Variants in XPO6 observed in about 807,000 individuals in gnomAD.
The protein encoded by XPO6 is exportin 6, also known as exportin-6.
XPO6 carries 3 observed loss-of-function variants against 130.0 expected under a neutral mutation model. The ratio of observed to expected loss-of-function variants is 0.02; its 90% CI spans 0.01 to 0.06. The LOEUF is 0.06. Ranked by LOEUF, XPO6 falls within the 10% of genes least tolerant of loss-of-function variation. XPO6 has a pLI of 1.00. For missense variants in XPO6, 970 were observed against 1,393.0 expected (o/e 0.70, Z 4.83); for synonymous variants, 524 against 548.9 (o/e 0.95, Z 0.63).
chr16:28,108,194 T>G (rs2141240881), intron 17 of XPO6, among the ~76,000 whole-genome samples: 1 of 152,320 alleles, frequency 6.6e-6, no homozygotes, highest in African/African-American at 2.4e-5. Context: ...TGGTGCTGGC[T>G]GCAAGAACAA....
chr16:28,183,086 T>G (rs1384812665), intron 1 of XPO6, among the ~76,000 whole-genome samples: 1 of 152,238 alleles, frequency 6.6e-6, no homozygotes, highest in African/African-American at 2.4e-5. Flanking sequence ...TGCAGCAAAC[T>G]TGAGCTTATC....
chr16:28,147,154 C>T (rs2042998505), intron 8 of XPO6, among the ~76,000 whole-genome samples: 1 of 152,100 alleles, frequency 6.6e-6, no homozygotes, highest in African/African-American at 2.4e-5. Flanking sequence ...ATTGCTGATC[C>T]ACATGGAAAT....
intron 4 of XPO6, among the ~76,000 whole-genome samples, chr16:28,171,452 CAAAAAAAAAAAAAAAAA>C (rs36000498): frequency 2.7e-4 from 27 of 99,096 alleles, no homozygotes; most frequent in African/African-American, 1.1e-3. Context: ...GACTCTGTCT[CAAAAAAAAAAAAAAAAA>C]AAAAGAAAAA....
chr16:28,099,880 G>A (rs569512757), intron 23 of XPO6, among the ~76,000 whole-genome samples: 2 of 152,298 alleles, frequency 1.3e-5, no homozygotes, highest in South Asian at 4.1e-4. Context: ...ACCAACTAAG[G>A]GATGTCTTTT....
rs564241909 is a variant in XPO6 at position 28,211,632 on chromosome 16, T to G, written c.-264A>C. On this transcript the variant is annotated 5_prime_UTR_variant, in exon 1 of 24. Transcript: ENST00000304658. ...GAAAAAGCAGGAAATGAGGCTCGGA[T>G]GCCGGCGAGGAGGGCAGCTGCTCGG... 5 of 381,724 alleles carry G rather than the reference T, an allele frequency of 1.3e-5. No homozygotes were observed. Among genetic ancestry groups the G allele is most frequent in the African/African-American group, 1.2e-4 (5 of 42,076 alleles). 23.6% of individuals were successfully genotyped at this position (381,724 alleles called of 1,614,324 possible).
chr16:28,204,099 TCAA>T (rs2141912940), intron 1 of XPO6, among the ~76,000 whole-genome samples: 2 of 152,160 alleles, frequency 1.3e-5, no homozygotes, highest in African/African-American at 4.8e-5. Flanking sequence ...ACCCAAGACC[TCAA>T]CAACATCCCT....
intron 12 of XPO6, chr16:28,126,752 T>C (rs1322487630): frequency 2.0e-5 from 3 of 152,140 alleles, no homozygotes; most frequent in African/African-American, 7.2e-5. Flanking sequence ...AGTAAGAATT[T>C]TCAGAGACCT....
At chr16:28,198,813 C>T (rs1443018583) in intron 1 of XPO6, among the ~76,000 whole-genome samples, 2 of 151,984 alleles carry the variant, frequency 1.3e-5, no homozygotes, top group Non-Finnish European at 2.9e-5. Context: ...GCAACTCTTC[C>T]GTAAGTCTTA....
At chr16:28,170,280 C>A (rs569634991) in intron 4 of XPO6, among the ~76,000 whole-genome samples, 1 of 145,158 alleles carries the variant, frequency 6.9e-6, no homozygotes, top group African/African-American at 2.6e-5. Context: ...TGTGGTGAGC[C>A]GAGATCGTGC....
rs1189898469 is a variant in XPO6, at chr16:28,158,919, G to T, written c.644-2392C>A. Among the ~76,000 whole-genome samples, 8 of 152,200 alleles carry T rather than the reference G, an allele frequency of 5.3e-5. No homozygotes were observed. The South Asian group carries it at 1.7e-3, about 32-fold the overall frequency. On this transcript the variant is annotated intron_variant, in intron 6 of 23. Transcript: ENST00000304658. ...TAAAATTATTTTAGAGAAGACAAAA[G>T]AAGAAAAATATTTAAAACTATAACA...
intron 1 of XPO6, among the ~76,000 whole-genome samples, chr16:28,200,030 C>T (rs1019041712): frequency 2.0e-5 from 3 of 151,960 alleles, no homozygotes; most frequent in Non-Finnish European, 4.4e-5. Context: ...GTGGTGGGCA[C>T]CTGTAATCCC....
At chr16:28,161,773 C>A (rs1013679535) in intron 6 of XPO6, among the ~76,000 whole-genome samples, 1 of 152,106 alleles carries the variant, frequency 6.6e-6, no homozygotes, top group African/African-American at 2.4e-5. Context: ...CCAAGTGTTT[C>A]CCCAAGTCCC....
chr16:28,207,882 C>T (rs369573047), intron 1 of XPO6, among the ~76,000 whole-genome samples: 14 of 152,320 alleles, frequency 9.2e-5, no homozygotes, highest in Admixed American at 1.3e-4. Context: ...CAGTGGCTCA[C>T]GCCTATAATA....
intron 9 of XPO6, among the ~76,000 whole-genome samples, chr16:28,140,426 TCC>T (rs1174322288): frequency 6.6e-6 from 1 of 152,084 alleles, no homozygotes; most frequent in African/African-American, 2.4e-5. Flanking sequence ...ACGCCTGTAA[TCC>T]CAGCACTTTG....
rs200447021 is a variant in XPO6 at position 28,133,859 on chromosome 16, C to A, written c.1518G>T (p.Thr506=). Residue 506 remains threonine, a synonymous_variant, in exon 11 of 24, where the codon ACG becomes ACT. Coordinates refer to ENST00000304658, the MANE Select transcript of XPO6 (RefSeq NM_015171.4). Reference sequence around the variant, plus strand: ...ACATTACCAGTGTGGAGAAGGCGTGCGTGGGCAGGAGCTCCATCACTTTGG... The same window carrying A: ...ACATTACCAGTGTGGAGAAGGCGTGAGTGGGCAGGAGCTCCATCACTTTGG... ...VVAKVMELLP[T]HAFSTLFPVL... is the part of the protein sequence containing the mutation. The A allele has an allele frequency of 6.2e-7, 1 of 1,613,876 alleles. No individual in the cohort carries two copies. The highest frequency in any genetic ancestry group is 1.7e-5 in the Admixed American group (1 of 59,994).
chr16:28,211,276 G>T, intron 1 of XPO6, 90 bp downstream of exon 1: 1 of 1,264,844 alleles, frequency 7.9e-7, no homozygotes, highest in Non-Finnish European at 1.0e-6. Flanking sequence ...CCGCCATGGG[G>T]AGAGCAGCGA....
intron 6 of XPO6, 85 bp from the exon 7 acceptor site, chr16:28,156,612 A>C: frequency 1.2e-6 from 1 of 814,010 alleles, no homozygotes; most frequent in Non-Finnish European, 1.8e-6. Flanking sequence ...AAAAATATAT[A>C]TATATATGTA....
At chr16:28,142,374 GT>G (rs2042910493) in intron 9 of XPO6, among the ~76,000 whole-genome samples, 1 of 152,214 alleles carries the variant, frequency 6.6e-6, no homozygotes, top group East Asian at 1.9e-4. Context: ...AGTGGTGAAT[GT>G]TAAGGGTTAC....
intron 1 of XPO6, among the ~76,000 whole-genome samples, chr16:28,181,912 C>T (rs2043622836): frequency 6.6e-6 from 1 of 152,184 alleles, no homozygotes; most frequent in Non-Finnish European, 1.5e-5. Flanking sequence ...CATCCCCTCC[C>T]TTTGGGGTTC....
Sources: allele counts gnomAD v4.1 joint callset (sites outside exome capture counted in the v4.1 genomes callset), GRCh38; gene constraint gnomAD v4.1.1; transcripts MANE v1.5; gene names NCBI Gene and HGNC (gene_info 2026-07-23, HGNC 2026-07-21).